PIEZO2: variants seen among roughly 807,000 people sequenced by gnomAD.
PIEZO2 encodes piezo type mechanosensitive ion channel component 2.
A neutral mutation model predicts 337.3 loss-of-function variants in PIEZO2; 172 were observed. That is an observed-to-expected ratio of 0.51 (90% confidence interval 0.45 to 0.58). The LOEUF (loss-of-function observed/expected upper bound fraction) is 0.58, where lower values mean the gene tolerates loss of function less well. Among genes scored for constraint, PIEZO2 ranks in the 20% least tolerant of loss-of-function variants. The pLI is 0.00. For synonymous variants in PIEZO2, 1,251 were observed against 1,228.5 expected (o/e 1.02, Z -0.38); for missense variants, 3,028 against 3,391.3 (o/e 0.89, Z 2.66).
chr18:11,006,751 C>T (rs1439467496), intron 2 of PIEZO2, among the ~76,000 whole-genome samples: 4 of 152,084 alleles, frequency 2.6e-5, no homozygotes, highest in Admixed American at 2.0e-4. Flanking sequence ...GTATATGAAT[C>T]TTCAGGTGCA....
chr18:10,786,300 A>AT (rs748317385), intron 16 of PIEZO2, among the ~76,000 whole-genome samples: 1 of 152,176 alleles, frequency 6.6e-6, no homozygotes, highest in Non-Finnish European at 1.5e-5. Context: ...CAGGGCTTAG[A>AT]TTTTGTCTGT....
At chr18:11,089,494 G>C (rs759756806) in intron 1 of PIEZO2, among the ~76,000 whole-genome samples, 3 of 152,100 alleles carry the variant, frequency 2.0e-5, no homozygotes, top group Non-Finnish European at 4.4e-5. Flanking sequence ...TTTGTTTTAA[G>C]AGATAAGCTT....
Position 11,099,244 on chromosome 18 carries a change from C to T in PIEZO2, c.65-33022G>A, listed in dbSNP as rs1179797626. On this transcript the variant is annotated intron_variant, in intron 1 of 55. Coordinates refer to ENST00000674853, the MANE Select transcript of PIEZO2 (RefSeq NM_001378183.1). The surrounding 1 kb of genome is among the most constrained non-coding windows in gnomAD (Gnocchi z 5.4). Reference sequence around the variant, plus strand: ...TCTCTGCACATTTGTGCCAGTATTTCTGTAGGTTAACATATTAATGGATCA... The same window carrying T: ...TCTCTGCACATTTGTGCCAGTATTTTTGTAGGTTAACATATTAATGGATCA... 6.6e-6 allele frequency among the ~76,000 whole-genome samples: 1 copy of T among 152,188 alleles called. No homozygotes were observed. Among genetic ancestry groups the T allele is most frequent in the Non-Finnish European group, 1.5e-5 (1 of 68,042 alleles).
At chr18:10,733,638 C>T (rs895606494) in intron 35 of PIEZO2, among the ~76,000 whole-genome samples, 4 of 152,108 alleles carry the variant, frequency 2.6e-5, no homozygotes, top group South Asian at 2.1e-4. Context: ...TTAGTAGAGA[C>T]GGGGTTTCAC....
rs113751538 is a variant in PIEZO2, at chr18:10,988,829, G to C, written c.161-9169C>G. Among the ~76,000 whole-genome samples the C allele has an allele frequency of 8.5e-4, 129 of 152,210 alleles. 1 individual carries two copies. Among genetic ancestry groups the C allele is most frequent in the African/African-American group, 2.9e-3 (122 of 41,550 alleles). Reference sequence around the variant, plus strand: ...GCATTACGTTAAGTGAAATAAGCTAGACACAAACAAATACTACATGATCTC... The same window carrying C: ...GCATTACGTTAAGTGAAATAAGCTACACACAAACAAATACTACATGATCTC... On this transcript the variant is annotated intron_variant, in intron 2 of 55. Transcript: ENST00000674853. The surrounding 1 kb of genome is among the most constrained non-coding windows in gnomAD (Gnocchi z 4.8).
At position 11,027,660 on chromosome 18, in the gene PIEZO2, G is replaced by T. The variant is rs1249215331; in HGVS notation, c.160+38467C>A. Among the ~76,000 whole-genome samples the T allele has an allele frequency of 1.3e-5, 2 of 151,966 alleles. No individual in the cohort carries two copies. Among genetic ancestry groups the T allele is most frequent in the Admixed American group, 1.3e-4 (2 of 15,262 alleles). On this transcript the variant is annotated intron_variant, in intron 2 of 55. Transcript: ENST00000674853. The surrounding 1 kb of genome is among the most constrained non-coding windows in gnomAD (Gnocchi z 4.2). ...TGATGAACAAATGGGAGTTCGGTGGGGTTTAAGTTCCATTTGGGGTTGTCT... is the reference window on the plus strand; with the variant it reads ...TGATGAACAAATGGGAGTTCGGTGGTGTTTAAGTTCCATTTGGGGTTGTCT...
Position 11,116,582 on chromosome 18 carries a change from GC to G in PIEZO2, c.64+31942del, listed in dbSNP as rs1488459427. On this transcript the variant is annotated intron_variant, in intron 1 of 55. Coordinates refer to ENST00000674853, the MANE Select transcript of PIEZO2 (RefSeq NM_001378183.1). The surrounding 1 kb of genome is among the most constrained non-coding windows in gnomAD (Gnocchi z 5.0). ...ATTAAAAAATTAGCCGGGCGTGGTGGCGGGGGGCCTGTAGTCCCAGCTACTC... is the reference window on the plus strand; with the variant it reads ...ATTAAAAAATTAGCCGGGCGTGGTGGGGGGGGCCTGTAGTCCCAGCTACTC... Among the ~76,000 whole-genome samples, 1 of 152,014 alleles carries G rather than the reference GC, an allele frequency of 6.6e-6. No homozygotes were observed. The highest frequency in any genetic ancestry group is 1.5e-5 in the Non-Finnish European group (1 of 68,014).
intron 2 of PIEZO2, among the ~76,000 whole-genome samples, chr18:11,042,997 T>C (rs945362832): frequency 4.6e-5 from 7 of 152,234 alleles, no homozygotes; most frequent in African/African-American, 1.7e-4. Flanking sequence ...AAAAATTGTT[T>C]GGCCATAGAA....
chr18:10,752,545 A>T, intron 28 of PIEZO2, 91 bp downstream of exon 28: 1 of 1,388,488 alleles, frequency 7.2e-7, no homozygotes, highest in Non-Finnish European at 9.6e-7. Flanking sequence ...AGAGAGCAAC[A>T]TGACAAGCAC....
chr18:11,086,380 C>A (rs958176392), intron 1 of PIEZO2, among the ~76,000 whole-genome samples: 29 of 151,560 alleles, frequency 1.9e-4, no homozygotes, highest in South Asian at 1.3e-3. Flanking sequence ...ATTAGCCGGG[C>A]GTGGTGCGGG....
At chr18:11,064,235 CT>C (rs2038074031) in intron 2 of PIEZO2, among the ~76,000 whole-genome samples, 1 of 152,120 alleles carries the variant, frequency 6.6e-6, no homozygotes, top group Admixed American at 6.5e-5. Context: ...CTTGGAGCCC[CT>C]CTGCAACTAT....
At chr18:10,762,825 G>T in intron 22 of PIEZO2, 97 bp downstream of exon 22, 1 of 1,415,084 alleles carries the variant, frequency 7.1e-7, no homozygotes, top group Non-Finnish European at 9.4e-7. Context: ...TTACAAGCCA[G>T]GTCAGGCCAA....
intron 1 of PIEZO2, among the ~76,000 whole-genome samples, chr18:11,107,291 T>C (rs1433974160): frequency 6.6e-6 from 1 of 152,230 alleles, no homozygotes; most frequent in Non-Finnish European, 1.5e-5. Flanking sequence ...CTTTAAAATA[T>C]CATGATAAGC....
chr18:10,996,414 C>T (rs1270202925), intron 2 of PIEZO2, among the ~76,000 whole-genome samples: 1 of 152,150 alleles, frequency 6.6e-6, no homozygotes, highest in Non-Finnish European at 1.5e-5. Flanking sequence ...GGCATTTAGT[C>T]CATTCACCAT....
rs2039724448 is a variant in PIEZO2, at chr18:11,111,280, C to T, written c.64+37245G>A. Among the ~76,000 whole-genome samples the T allele has an allele frequency of 6.6e-6, 1 of 152,170 alleles. No individual in the cohort carries two copies. The highest frequency in any genetic ancestry group is 1.5e-5 in the Non-Finnish European group (1 of 68,024). On this transcript the variant is annotated intron_variant, in intron 1 of 55. Transcript: ENST00000674853. The surrounding 1 kb of genome is among the most constrained non-coding windows in gnomAD (Gnocchi z 6.2). The stretch of plus-strand genomic sequence containing the variant: ...AACTTCCCTGGCCTTCGTTTCCCAT[C>T]CCTTTCAACAGTGGTATAGCCTGCA...
chr18:10,805,985 T>C (rs1403767337), intron 8 of PIEZO2, among the ~76,000 whole-genome samples: 2 of 152,248 alleles, frequency 1.3e-5, no homozygotes, highest in Non-Finnish European at 2.9e-5. Context: ...TCTTTTAGAA[T>C]GTACAGCTCT....
In PIEZO2 at chr18:10,790,613, C is replaced by T. The variant is rs184855037; in HGVS notation, c.1882+588G>A. On this transcript the variant is annotated intron_variant, in intron 14 of 55. Transcript: ENST00000674853. Reference sequence around the variant, plus strand: ...GACTTAGCTTCTTGTTTCCAGTACTCACTAGAAGTATGACCTGGGAGGAAG... The same window carrying T: ...GACTTAGCTTCTTGTTTCCAGTACTTACTAGAAGTATGACCTGGGAGGAAG... Among the ~76,000 whole-genome samples the T allele has an allele frequency of 2.2e-3, 336 of 152,124 alleles. 3 individuals carry two copies. The highest frequency in any genetic ancestry group is 7.8e-3 in the African/African-American group (322 of 41,506).
At chr18:10,681,221 G>A (rs985529377) in intron 51 of PIEZO2, among the ~76,000 whole-genome samples, 1 of 152,170 alleles carries the variant, frequency 6.6e-6, no homozygotes, top group African/African-American at 2.4e-5. Context: ...TCAAATTCAT[G>A]TAATACATCT....
intron 2 of PIEZO2, among the ~76,000 whole-genome samples, chr18:11,044,368 A>G (rs936469471): frequency 3.3e-5 from 5 of 152,204 alleles, no homozygotes; most frequent in Admixed American, 6.5e-5. Context: ...ACCTGTAAGG[A>G]TAACACTCAA....
Sources: allele counts gnomAD v4.1 joint callset (sites outside exome capture counted in the v4.1 genomes callset), GRCh38; gene constraint gnomAD v4.1.1; non-coding constraint Gnocchi (gnomAD v3.1); transcripts MANE v1.5; gene names NCBI Gene and HGNC (gene_info 2026-07-23, HGNC 2026-07-21).